AGBL4: variants seen among roughly 807,000 people sequenced by gnomAD.
The protein encoded by AGBL4 is cytosolic carboxypeptidase 6.
Under a neutral mutation model 66.4 loss-of-function variants are expected in AGBL4, and 58 were observed. That is an observed-to-expected ratio of 0.87 (90% confidence interval 0.71 to 1.09). The LOEUF (loss-of-function observed/expected upper bound fraction) is 1.09, where lower values mean the gene tolerates loss of function less well. Ranked by LOEUF, AGBL4 falls within the 50% of genes least tolerant of loss-of-function variation. The pLI, the probability that AGBL4 is intolerant of heterozygous loss-of-function variation, is 0.00. For synonymous variants in AGBL4, 234 were observed against 222.9 expected (o/e 1.05, Z -0.44); for missense variants, 579 against 631.0 (o/e 0.92, Z 0.88).
chr1:48,537,448 A>G (rs1377460153), intron 12 of AGBL4, among the ~76,000 whole-genome samples: 1 of 152,156 alleles, frequency 6.6e-6, no homozygotes, highest in Non-Finnish European at 1.5e-5. Flanking sequence ...TATGTCCTTT[A>G]GATCCGTGTC....
At chr1:49,733,519 C>T (rs899047847) in intron 2 of AGBL4, among the ~76,000 whole-genome samples, 1 of 152,092 alleles carries the variant, frequency 6.6e-6, no homozygotes, top group African/African-American at 2.4e-5. Context: ...TATTTCTGTA[C>T]TTCTGGAGGC....
chr1:48,744,618 C>A (rs1650439928), intron 6 of AGBL4, among the ~76,000 whole-genome samples: 1 of 152,194 alleles, frequency 6.6e-6, no homozygotes, highest in Admixed American at 6.5e-5. Flanking sequence ...AGAGGCTGGA[C>A]AACAGAATGA....
At chr1:49,217,731 G>A (rs1372485006) in intron 4 of AGBL4, among the ~76,000 whole-genome samples, 2 of 152,070 alleles carry the variant, frequency 1.3e-5, no homozygotes, top group Non-Finnish European at 2.9e-5. Context: ...ATAATCTTTG[G>A]CTGCATCTGT....
chr1:49,847,661 T>G (rs1646184806), intron 2 of AGBL4, among the ~76,000 whole-genome samples: 1 of 150,738 alleles, frequency 6.6e-6, no homozygotes, highest in South Asian at 2.1e-4. Flanking sequence ...AGGACATGAA[T>G]AAATATTTTT....
intron 3 of AGBL4, among the ~76,000 whole-genome samples, chr1:49,247,054 T>G (rs978522053): frequency 6.6e-6 from 1 of 152,066 alleles, no homozygotes; most frequent in Non-Finnish European, 1.5e-5. Flanking sequence ...GTTACCTAAC[T>G]TGATTGAAGT....
chr1:48,885,799 T>C (rs1650268390), intron 5 of AGBL4, among the ~76,000 whole-genome samples: 1 of 152,106 alleles, frequency 6.6e-6, no homozygotes, highest in South Asian at 2.1e-4. Flanking sequence ...GGCTGCTGGT[T>C]ATACCACCAT....
chr1:49,425,805 C>T (rs1303612467), intron 3 of AGBL4, among the ~76,000 whole-genome samples: 1 of 152,168 alleles, frequency 6.6e-6, no homozygotes, highest in Non-Finnish European at 1.5e-5. Flanking sequence ...ATAGGAAGAG[C>T]AATATGGTAC....
intron 1 of AGBL4, chr1:49,994,505 G>T (rs1660211481): frequency 6.6e-6 from 1 of 152,252 alleles, no homozygotes; most frequent in African/African-American, 2.4e-5. Context: ...CTTGAGCCCA[G>T]GAGTTGAAGG....
chr1:49,196,000 T>A (rs2148218389), intron 4 of AGBL4, among the ~76,000 whole-genome samples: 1 of 152,272 alleles, frequency 6.6e-6, no homozygotes, highest in Non-Finnish European at 1.5e-5. Context: ...TTCTCTCTCC[T>A]GCCGCCATGT....
At chr1:49,165,163 AAGGATAT>A (rs1367262276) in intron 4 of AGBL4, among the ~76,000 whole-genome samples, 1 of 152,180 alleles carries the variant, frequency 6.6e-6, no homozygotes, top group Non-Finnish European at 1.5e-5. Context: ...ATGATACTTA[AAGGATAT>A]AGACAAGGGG....
chr1:48,754,438 G>T (rs569456041), intron 6 of AGBL4, among the ~76,000 whole-genome samples: 72 of 152,170 alleles, frequency 4.7e-4, no homozygotes, highest in Admixed American at 1.1e-3. Flanking sequence ...GGATACCCTC[G>T]ATAACTGTTC....
At chr1:49,296,064 T>C (rs1009973343) in intron 3 of AGBL4, among the ~76,000 whole-genome samples, 1 of 152,178 alleles carries the variant, frequency 6.6e-6, no homozygotes, top group African/African-American at 2.4e-5. Context: ...GTTTGTCAAC[T>C]AAGACCCTTA....
chr1:48,868,024 C>T (rs4131648), intron 5 of AGBL4, among the ~76,000 whole-genome samples: 134,994 of 152,168 alleles, frequency 0.89, 60,520 homozygotes, highest in Non-Finnish European at 0.96. Flanking sequence ...GAGGCTGCAG[C>T]TGGTGAAGTG....
chr1:48,989,201 G>A (rs1049649094), intron 5 of AGBL4, among the ~76,000 whole-genome samples: 3 of 151,998 alleles, frequency 2.0e-5, no homozygotes, highest in African/African-American at 7.2e-5. Context: ...TTCTTCGAGA[G>A]CCTTCATTCT....
At chr1:49,906,291 T>A (rs1363699968) in intron 1 of AGBL4, among the ~76,000 whole-genome samples, 1 of 152,108 alleles carries the variant, frequency 6.6e-6, no homozygotes, top group African/African-American at 2.4e-5. Flanking sequence ...TGTAATCATT[T>A]ATACATGCAA....
At chr1:49,208,179 G>A (rs1366814792) in intron 4 of AGBL4, among the ~76,000 whole-genome samples, 3 of 152,016 alleles carry the variant, frequency 2.0e-5, no homozygotes, top group African/African-American at 4.8e-5. Context: ...GGCTAGGAGA[G>A]GTTTGGTATT....
chr1:49,204,994 T>C (rs1648019027), intron 4 of AGBL4, among the ~76,000 whole-genome samples: 1 of 152,114 alleles, frequency 6.6e-6, no homozygotes, highest in Non-Finnish European at 1.5e-5. Flanking sequence ...CATGATTGTT[T>C]CCTTCTTCCT....
chr1:48,736,210 A>G lies in AGBL4; in HGVS notation c.635-72969T>C. 2 of 1,589,732 alleles carry G rather than the reference A, an allele frequency of 1.3e-6. No homozygotes were observed. Among genetic ancestry groups the G allele is most frequent in the Non-Finnish European group, 1.7e-6 (2 of 1,158,012 alleles). On this transcript the variant is annotated intron_variant, in intron 6 of 13. Coordinates refer to ENST00000371839, the MANE Select transcript of AGBL4 (RefSeq NM_032785.4). This position sits in a 1 kb window ranked among gnomAD's most constrained non-coding sequence, Gnocchi z 4.0. Reference sequence around the variant, plus strand: ...TTGACAGAGTAAAAGACAGAATCCCAGCCATTGTGTTTCCACTCAGTGACC... The same window carrying G: ...TTGACAGAGTAAAAGACAGAATCCCGGCCATTGTGTTTCCACTCAGTGACC...
chr1:49,964,144 T>C (rs1468944019), intron 1 of AGBL4, among the ~76,000 whole-genome samples: 1 of 152,128 alleles, frequency 6.6e-6, no homozygotes, highest in Non-Finnish European at 1.5e-5. Flanking sequence ...GATTCTTCCT[T>C]CCAGCCTGTG....
Sources: allele counts gnomAD v4.1 joint callset (sites outside exome capture counted in the v4.1 genomes callset), GRCh38; gene constraint gnomAD v4.1.1; non-coding constraint Gnocchi (gnomAD v3.1); transcripts MANE v1.5; gene names NCBI Gene and HGNC (gene_info 2026-07-23, HGNC 2026-07-21).